Variants in TMEM8B observed in about 807,000 individuals in gnomAD.
The protein encoded by TMEM8B is transmembrane protein 8B, also known as nasopharyngeal carcinoma expressed 6.
TMEM8B carries 29 observed loss-of-function variants against 49.3 expected under a neutral mutation model. The ratio of observed to expected loss-of-function variants is 0.59; its 90% CI spans 0.44 to 0.80. The LOEUF (loss-of-function observed/expected upper bound fraction) is 0.80. Ranked by LOEUF, TMEM8B falls within the 30% of genes least tolerant of loss-of-function variation. The probability of loss-of-function intolerance (pLI) is 0.00; values close to 1 mark genes in which losing one functional copy is unlikely to be tolerated. For synonymous variants in TMEM8B, 264 were observed against 272.8 expected, an observed-to-expected ratio of 0.97 and a Z score of 0.32; for missense variants, 575 against 658.5, an observed-to-expected ratio of 0.87 and a Z score of 1.39.
chr9:35,846,609 C>T lies in TMEM8B; in HGVS notation c.1994C>T (p.Ala665Val). The change falls in exon 9 of 13, where the codon GCC becomes GTC. Residue 665 changes from alanine to valine, a missense_variant and splice_region_variant. Coordinates refer to ENST00000643932, the MANE Select transcript of TMEM8B (RefSeq NM_001042590.4). ...CTGTACGCAGCCTGCGAGTGCAAGG[C>T]CGGTGAGCAGGCTGGCGAGGGAGCG... Reference protein sequence around the residue: ...NYLYAACECKAGWRGWGCTDS... With the variant: ...NYLYAACECKVGWRGWGCTDS... 1.9e-6 allele frequency: 3 copies of T among 1,573,782 alleles called. No individual in the cohort carries two copies. The highest frequency in any genetic ancestry group is 2.6e-6 in the Non-Finnish European group (3 of 1,159,252).
Position 35,860,195 on chromosome 9 carries a change from T to TG in TMEM8B, c.*6359dup, listed in dbSNP as rs1275267941. On this transcript the variant is annotated 3_prime_UTR_variant, in exon 13 of 13. Transcript: ENST00000643932. ...TCTGTGGACGTCACTGAGGGGAGGA[T>TG]GGGGCACATTCTAGTCCCCTAGGCT... 1 of 152,224 alleles carries TG rather than the reference T, an allele frequency of 6.6e-6. No homozygotes were observed. The highest frequency in any genetic ancestry group is 1.5e-5 in the Non-Finnish European group (1 of 68,042). The allele number at this position is 152,224 out of a possible 1,614,324, so 9.4% of individuals were successfully genotyped here. A position where few individuals can be genotyped will look rare whatever the true frequency, so the allele number is the denominator to read the frequency against.
intron 2 of TMEM8B, 117 bp downstream of exon 2, chr9:35,834,767 GTGAC>G: frequency 2.4e-6 from 1 of 410,700 alleles, no homozygotes; most frequent in Non-Finnish European, 4.4e-6. Context: ...AGATTGAAGT[GTGAC>G]TGAGTGAGGG....
chr9:35,832,194 TGTGTG>T (rs2132210724), intron 1 of TMEM8B, among the ~76,000 whole-genome samples: 1 of 151,706 alleles, frequency 6.6e-6, no homozygotes, highest in East Asian at 1.9e-4. Context: ...TGTGTGTGTG[TGTGTG>T]TATGTGTATG....
intron 3 of TMEM8B, among the ~76,000 whole-genome samples, chr9:35,839,591 C>T (rs938157176): frequency 2.6e-5 from 4 of 152,204 alleles, no homozygotes; most frequent in African/African-American, 9.7e-5. Flanking sequence ...TTGAATCAAA[C>T]GCAAGTAAAA....
rs1442557007 is a variant in TMEM8B, at chr9:35,863,487, C to CA, written c.*9647_*9648insA. 2.6e-5 allele frequency: 4 copies of CA among 152,224 alleles called. No homozygotes were observed. The highest frequency in any genetic ancestry group is 7.2e-5 in the African/African-American group (3 of 41,442). The allele number at this position is 152,224 out of a possible 1,614,324, so 9.4% of individuals were successfully genotyped here. On this transcript the variant is annotated 3_prime_UTR_variant, in exon 13 of 13. Coordinates refer to ENST00000643932, the MANE Select transcript of TMEM8B (RefSeq NM_001042590.4). ...GTTACCAGGTTGCCTACAGCTTTGC[C>CA]TGTAACATGGGCACAGGCTGGGACA...
chr9:35,841,899 C>CT lies in TMEM8B; in HGVS notation c.1309+106dup. On this transcript the variant is annotated intron_variant, in intron 5 of 12. Transcript: ENST00000643932. The surrounding 1 kb of genome is among the most constrained non-coding windows in gnomAD (Gnocchi z 5.9). ...CTCTGCCATATCCCTACAACCTCCC[C>CT]TCCCCATCCCAAGCTCCTTCATGCT... The CT allele has an allele frequency of 2.4e-6, 1 of 412,188 alleles. No individual in the cohort carries two copies. Among genetic ancestry groups the CT allele is most frequent in the Admixed American group, 4.4e-5 (1 of 22,742 alleles). 25.5% of individuals were successfully genotyped at this position (412,188 alleles called of 1,614,324 possible). A position where few individuals can be genotyped will look rare whatever the true frequency, so the allele number is the denominator to read the frequency against.
Position 35,861,306 on chromosome 9 carries a change from C to T in TMEM8B, c.*7466C>T, listed in dbSNP as rs1160158371. The T allele has an allele frequency of 6.6e-6, 1 of 152,360 alleles. No individual in the cohort carries two copies. Among genetic ancestry groups the T allele is most frequent in the Non-Finnish European group, 1.5e-5 (1 of 68,118 alleles). The allele number at this position is 152,360 out of a possible 1,614,324, so 9.4% of individuals were successfully genotyped here. On this transcript the variant is annotated 3_prime_UTR_variant, in exon 13 of 13. Transcript: ENST00000643932. ...TCTTTTCCCAGCTCCGCACCTTTGT[C>T]CGAGATGGAGGCGTGTCCTCCCGCC...
chr9:35,848,680 T>TC (rs1831854961), intron 10 of TMEM8B, among the ~76,000 whole-genome samples: 1 of 149,670 alleles, frequency 6.7e-6, no homozygotes, highest in Middle Eastern at 3.4e-3. Flanking sequence ...TTTTTCTTTT[T>TC]TTTTTTTTTT....
Position 35,829,271 on chromosome 9 carries a change from C to T in TMEM8B, c.-177C>T, listed in dbSNP as rs1829582498. 2 of 358,798 alleles carry T rather than the reference C, an allele frequency of 5.6e-6. No individual in the cohort carries two copies. The highest frequency in any genetic ancestry group is 1.0e-5 in the Non-Finnish European group (2 of 199,724). 22.2% of individuals were successfully genotyped at this position (358,798 alleles called of 1,614,324 possible). A position where few individuals can be genotyped will look rare whatever the true frequency, so the allele number is the denominator to read the frequency against. On this transcript the variant is annotated 5_prime_UTR_variant, in exon 1 of 13. Coordinates refer to ENST00000643932, the MANE Select transcript of TMEM8B (RefSeq NM_001042590.4). ...GGCCGCCGCCGCGGGGCCTGGTTAT[C>T]GCCGGTTCAGCGCAGCCCGGAGTCG... is the stretch of plus-strand genomic sequence containing the variant.
In TMEM8B at chr9:35,861,893, C is replaced by G. The variant is rs1208182902; in HGVS notation, c.*8053C>G. The G allele has an allele frequency of 2.6e-5, 4 of 152,228 alleles. No homozygotes were observed. Among genetic ancestry groups the G allele is most frequent in the Non-Finnish European group, 2.9e-5 (2 of 68,064 alleles). 9.4% of individuals were successfully genotyped at this position (152,228 alleles called of 1,614,324 possible). ...GTGTCCTCCATGACACCAGCTTTCT[C>G]CAGAGCCTGTGCAGGATTTCCTTCC... is the stretch of plus-strand genomic sequence containing the variant. On this transcript the variant is annotated 3_prime_UTR_variant, in exon 13 of 13. Coordinates refer to ENST00000643932, the MANE Select transcript of TMEM8B (RefSeq NM_001042590.4).
chr9:35,837,404 C>T (rs1046961687), intron 3 of TMEM8B, among the ~76,000 whole-genome samples: 3 of 152,016 alleles, frequency 2.0e-5, no homozygotes, highest in African/African-American at 4.8e-5. Flanking sequence ...AACTGTTAAG[C>T]GGTGAGGTCT....
chr9:35,840,560 G>A (rs1229011302), intron 3 of TMEM8B, among the ~76,000 whole-genome samples: 1 of 152,098 alleles, frequency 6.6e-6, no homozygotes, highest in Non-Finnish European at 1.5e-5. Context: ...CATTACCTGT[G>A]TAGGGCCGCT....
Position 35,856,027 on chromosome 9 carries a change from G to A in TMEM8B, c.*2187G>A, listed in dbSNP as rs1376251169. 6.6e-6 allele frequency: 1 copy of A among 152,254 alleles called. No individual in the cohort carries two copies. The highest frequency in any genetic ancestry group is 2.4e-5 in the African/African-American group (1 of 41,454). The allele number at this position is 152,254 out of a possible 1,614,324, so 9.4% of individuals were successfully genotyped here. ...CAGAGTACAGAAGGCTCTGAAGTGG[G>A]AGACGGAGCTGGGGTGCATCCCTCC... is the stretch of plus-strand genomic sequence containing the variant. On this transcript the variant is annotated 3_prime_UTR_variant, in exon 13 of 13. Coordinates refer to ENST00000643932, the MANE Select transcript of TMEM8B (RefSeq NM_001042590.4).
At position 35,853,034 on chromosome 9, in the gene TMEM8B, G is replaced by A; in HGVS notation, c.2322+61G>A. 1 of 1,612,190 alleles carries A rather than the reference G, an allele frequency of 6.2e-7. No individual in the cohort carries two copies. Among genetic ancestry groups the A allele is most frequent in the Admixed American group, 1.7e-5 (1 of 59,898 alleles). On this transcript the variant is annotated intron_variant, in intron 11 of 12. Transcript: ENST00000643932. This position sits in a 1 kb window ranked among gnomAD's most constrained non-coding sequence, Gnocchi z 4.2. ...CCAAGTCTCCTTGAAATCCACTCCT[G>A]ACCTCTCCCTGGGGGCATTTCCAAG...
intron 3 of TMEM8B, among the ~76,000 whole-genome samples, chr9:35,836,222 G>A (rs568607792): frequency 7.2e-4 from 110 of 152,268 alleles, no homozygotes; most frequent in Middle Eastern, 3.4e-3. Flanking sequence ...TGACAGGGCC[G>A]TTTTTCCTGA....
chr9:35,844,015 C>T (rs4878629), intron 6 of TMEM8B, among the ~76,000 whole-genome samples: 34,959 of 152,188 alleles, frequency 0.23, 4,950 homozygotes, highest in Non-Finnish European at 0.31. Context: ...CCGCCTGCCT[C>T]GGCCGCCCAA....
Position 35,855,835 on chromosome 9 carries a change from A to G in TMEM8B, c.*1995A>G, listed in dbSNP as rs1348370468. 1 of 152,250 alleles carries G rather than the reference A, an allele frequency of 6.6e-6. No homozygotes were observed. The highest frequency in any genetic ancestry group is 1.5e-5 in the Non-Finnish European group (1 of 68,052). The allele number at this position is 152,250 out of a possible 1,614,324, so 9.4% of individuals were successfully genotyped here. ...TCTTCCATGGGGCACTGAGCAGAGA[A>G]TGGTGTGGCCAAGTGAGTAGTGAGA... On this transcript the variant is annotated 3_prime_UTR_variant, in exon 13 of 13. Transcript: ENST00000643932.
rs1271278174 is a variant in TMEM8B, at chr9:35,855,311, C to T, written c.*1471C>T. 1 of 152,180 alleles carries T rather than the reference C, an allele frequency of 6.6e-6. No homozygotes were observed. The highest frequency in any genetic ancestry group is 1.5e-5 in the Non-Finnish European group (1 of 68,040). 9.4% of individuals were successfully genotyped at this position (152,180 alleles called of 1,614,324 possible). The stretch of plus-strand genomic sequence containing the variant: ...TTTTGGGACCCTCTGTGTCAGTATT[C>T]TCACTACATCCTCTCCTCCTCTCTC... On this transcript the variant is annotated 3_prime_UTR_variant, in exon 13 of 13. Transcript: ENST00000643932.
At chr9:35,844,062 C>T (rs779153395) in intron 6 of TMEM8B, among the ~76,000 whole-genome samples, 1 of 152,224 alleles carries the variant, frequency 6.6e-6, no homozygotes, top group Non-Finnish European at 1.5e-5. Flanking sequence ...CTGTGCCTGG[C>T]CCACAGCTGT....
Sources: gnomAD v4.1 joint callset for allele counts (sites outside exome capture counted in the v4.1 genomes callset) on GRCh38, gnomAD v4.1.1 for gene constraint, Gnocchi (gnomAD v3.1) non-coding constraint, MANE v1.5 for transcripts, NCBI Gene and HGNC (gene_info 2026-07-23, HGNC 2026-07-21) for gene names.